Variants in CYP27B1 observed in about 807,000 individuals in gnomAD.
The protein encoded by CYP27B1 is 25-hydroxyvitamin D-1 alpha hydroxylase, mitochondrial.
A neutral mutation model predicts 54.8 loss-of-function variants in CYP27B1; 46 were observed. The ratio of observed to expected loss-of-function variants is 0.84; its 90% CI spans 0.66 to 1.07. The LOEUF is 1.07. Among genes scored for constraint, CYP27B1 ranks in the 50% least tolerant of loss-of-function variants. CYP27B1 has a pLI of 0.00. For synonymous variants in CYP27B1, 292 were observed against 297.3 expected, an observed-to-expected ratio of 0.98 and a Z score of 0.18; for missense variants, 674 against 692.2, an observed-to-expected ratio of 0.97 and a Z score of 0.30.
At chr12:57,766,729 T>A in intron 1 of CYP27B1, 118 bp downstream of exon 1, 1 of 1,143,038 alleles carries the variant, frequency 8.7e-7, no homozygotes. Context: ...TTTCCTTATT[T>A]CATGGGCATC....
Position 57,765,528 on chromosome 12 carries a change from G to C in CYP27B1, c.387-29C>G, listed in dbSNP as rs755791839. The C allele has an allele frequency of 2.5e-6, 4 of 1,586,774 alleles. No homozygotes were observed. Among genetic ancestry groups the C allele is most frequent in the Non-Finnish European group, 2.6e-6 (3 of 1,166,080 alleles). Reference sequence around the variant, plus strand: ...CAGGGTTGAGGAGAGAGTGCGCATCGGGAAGGTGGGGACGGCTCGACGGGA... The same window carrying C: ...CAGGGTTGAGGAGAGAGTGCGCATCCGGAAGGTGGGGACGGCTCGACGGGA... On this transcript the variant is annotated intron_variant, in intron 2 of 8. Coordinates refer to ENST00000228606, the MANE Select transcript of CYP27B1 (RefSeq NM_000785.4). This position sits in a 1 kb window ranked among gnomAD's most constrained non-coding sequence, Gnocchi z 5.8.
chr12:57,764,790 TC>T lies in CYP27B1; in HGVS notation c.926del (p.Gly309GlufsTer3), dbSNP rs1422821801. The T allele has an allele frequency of 1.9e-6, 3 of 1,614,094 alleles. No individual in the cohort carries two copies. The highest frequency in any genetic ancestry group is 8.5e-7 in the Non-Finnish European group (1 of 1,180,006). ...REELPAQSIL[G>X]NVTELLLAGV... ...CCGCCAATAGCAACTCTGTCACATTTCCCAGGATGGACTGGGCAGGCAACTC... is the reference window on the plus strand; with the variant it reads ...CCGCCAATAGCAACTCTGTCACATTTCCAGGATGGACTGGGCAGGCAACTC... On this transcript the variant is annotated frameshift_variant, in exon 5 of 9. Coordinates refer to ENST00000228606, the MANE Select transcript of CYP27B1 (RefSeq NM_000785.4). LOFTEE classifies it high-confidence loss of function.
chr12:57,763,236 A>C lies in CYP27B1; in HGVS notation c.1433T>G (p.Val478Gly). The C allele has an allele frequency of 6.2e-7, 1 of 1,614,036 alleles. No homozygotes were observed. Among genetic ancestry groups the C allele is most frequent in the Non-Finnish European group, 8.5e-7 (1 of 1,179,912 alleles). The change falls in exon 9 of 9, where the codon GTG becomes GGG. Residue 478 changes from valine to glycine, a missense_variant. By Grantham distance (109) the Val-to-Gly change is moderately radical (BLOSUM62 -3). Coordinates refer to ENST00000228606, the MANE Select transcript of CYP27B1 (RefSeq NM_000785.4). ...ALAQILTHFE[V>G]QPEPGAAPVR... is the part of the protein sequence containing the mutation. Reference sequence around the variant, plus strand: ...TGGGGCCGCACCTGGCTCAGGCTGCACCTCAAAATGTGTTAGGATCTGGAA... The same window carrying C: ...TGGGGCCGCACCTGGCTCAGGCTGCCCCTCAAAATGTGTTAGGATCTGGAA...
At position 57,766,193 on chromosome 12, in the gene CYP27B1, T is replaced by C. The variant is rs548176807; in HGVS notation, c.200A>G (p.Gln67Arg). ...GLSRLHELQV[Q>R]GAAHFGPVWL... ...CACCGGCCCGAAGTGCGCGGCGCCC[T>C]GCACCTGGGGGAGCGGACACAGCGG... The change falls in exon 2 of 9, where the codon CAG (glutamine) becomes CGG (arginine). Residue 67 changes from glutamine to arginine, a missense_variant. By Grantham distance (43) the Gln-to-Arg change is conservative. Transcript: ENST00000228606. 1.8e-5 allele frequency: 28 copies of C among 1,536,312 alleles called. No homozygotes were observed. In the African/African-American group the frequency reaches 3.7e-4, roughly 20 times the overall value.
At position 57,765,451 on chromosome 12, in the gene CYP27B1, G is replaced by C; in HGVS notation, c.435C>G (p.Leu145=). ...AGCGGGCGGCCGCTTGAGGCCGGAG[G>C]AGGAGCGGGGCCAGGAGACTGCGGA... The part of the protein sequence containing the change: ...QRLRSLLAPL[L]LRPQAAARYA... Residue 145 remains leucine (L), a synonymous_variant, in exon 3 of 9, where the codon CTC becomes CTG. Transcript: ENST00000228606. The surrounding 1 kb of genome is among the most constrained non-coding windows in gnomAD (Gnocchi z 5.8). 6.2e-7 allele frequency: 1 copy of C among 1,612,974 alleles called. No individual in the cohort carries two copies. Among genetic ancestry groups the C allele is most frequent in the Non-Finnish European group, 8.5e-7 (1 of 1,179,612 alleles).
rs367743385 is a variant in CYP27B1, at chr12:57,765,131, C to T, written c.670G>A (p.Ala224Thr). 4 of 1,613,762 alleles carry T rather than the reference C, an allele frequency of 2.5e-6. No individual in the cohort carries two copies. The highest frequency in any genetic ancestry group is 1.3e-5 in the African/African-American group (1 of 74,938). The part of the protein sequence containing the change: ...VPPDTETFIR[A>T]VGSVFVSTLL... ...GTGGACACAAACACCGAGCCCACAGCGCGGATGAAGGTCTCCGTGTCGGGT... is the reference window on the plus strand; with the variant it reads ...GTGGACACAAACACCGAGCCCACAGTGCGGATGAAGGTCTCCGTGTCGGGT... Residue 224 changes from alanine (A) to threonine (T), a missense_variant, in exon 4 of 9, where the codon GCT becomes ACT. Transcript: ENST00000228606. The surrounding 1 kb of genome is among the most constrained non-coding windows in gnomAD (Gnocchi z 5.8).
At chr12:57,766,261 C>A in intron 1 of CYP27B1, 64 bp from the exon 2 acceptor site, 1 of 1,470,296 alleles carries the variant, frequency 6.8e-7, no homozygotes, top group Non-Finnish European at 9.0e-7. Flanking sequence ...TGACCTGTGC[C>A]CACGCCAAGG....
rs1424555516 is a variant in CYP27B1, at chr12:57,764,954, C to T, written c.791-28G>A. 4 of 1,614,110 alleles carry T rather than the reference C, an allele frequency of 2.5e-6. No individual in the cohort carries two copies. The Admixed American group carries it at 5.0e-5, about 20-fold the overall frequency. Reference sequence around the variant, plus strand: ...GCGTGGGTAGAAGGCACGTGAATACCTCGCTACCCCTGGACAGCTTTACAT... The same window carrying T: ...GCGTGGGTAGAAGGCACGTGAATACTTCGCTACCCCTGGACAGCTTTACAT... On this transcript the variant is annotated intron_variant, in intron 4 of 8. Transcript: ENST00000228606.
Position 57,765,549 on chromosome 12 carries a change from C to G in CYP27B1, c.387-50G>C. 1 of 1,554,188 alleles carries G rather than the reference C, an allele frequency of 6.4e-7. No homozygotes were observed. The highest frequency in any genetic ancestry group is 2.3e-5 in the East Asian group (1 of 43,464). ...CATCGGGAAGGTGGGGACGGCTCGA[C>G]GGGACTGGCTGCAGTGAAGGAGCGC... is the stretch of plus-strand genomic sequence containing the variant. On this transcript the variant is annotated intron_variant, in intron 2 of 8. Transcript: ENST00000228606. The surrounding 1 kb of genome is among the most constrained non-coding windows in gnomAD (Gnocchi z 5.8).
rs1955357787 is a variant in CYP27B1 at position 57,766,053 on chromosome 12, T to C, written c.340A>G (p.Thr114Ala). Residue 114 changes from threonine to alanine, a missense_variant, in exon 2 of 9, where the codon ACG becomes GCG. Transcript: ENST00000228606. ...CGCTGGCGGCAGCGGCGGTGCTCCG[T>C]CCAGGGCGAGAAGCTGCAGCGCTCG... ...RPERCSFSPW[T>A]EHRRCRQRAC... 1.9e-6 allele frequency: 3 copies of C among 1,563,794 alleles called. No homozygotes were observed. The highest frequency in any genetic ancestry group is 2.3e-5 in the East Asian group (1 of 42,984).
At chr12:57,764,296 TATCTCCCTGCTTCC>T (rs1257668498) in intron 6 of CYP27B1, 68 bp downstream of exon 6, 2 of 1,589,996 alleles carry the variant, frequency 1.3e-6, no homozygotes, top group Non-Finnish European at 1.7e-6. Context: ...TTTTCTCTGC[TATCTCCCTGCTTCC>T]ATCCACTAGT....
chr12:57,765,681 C>T lies in CYP27B1; in HGVS notation c.387-182G>A. The T allele has an allele frequency of 1.1e-6, 1 of 880,046 alleles. No individual in the cohort carries two copies. Among genetic ancestry groups the T allele is most frequent in the East Asian group, 2.6e-5 (1 of 37,778 alleles). The allele number at this position is 880,046 out of a possible 1,614,324, so 54.5% of individuals were successfully genotyped here. On this transcript the variant is annotated intron_variant, in intron 2 of 8. Coordinates refer to ENST00000228606, the MANE Select transcript of CYP27B1 (RefSeq NM_000785.4). The surrounding 1 kb of genome is among the most constrained non-coding windows in gnomAD (Gnocchi z 5.8). ...AGCCCCCTTCCTCTTTACTCATTTC[C>T]TGCCCTCAGGGGCCGGGGTTCCCGG...
At position 57,765,999 on chromosome 12, in the gene CYP27B1, A is replaced by G. The variant is rs1955356991; in HGVS notation, c.386+8T>C. 1 of 1,555,106 alleles carries G rather than the reference A, an allele frequency of 6.4e-7. No individual in the cohort carries two copies. The highest frequency in any genetic ancestry group is 8.7e-7 in the Non-Finnish European group (1 of 1,154,696). ...GCGTCTGGGCTTCTGGGGGCAGAGAAGACTCACGCAGTGAGCAGTCCGCAA... is the reference window on the plus strand; with the variant it reads ...GCGTCTGGGCTTCTGGGGGCAGAGAGGACTCACGCAGTGAGCAGTCCGCAA... On this transcript the variant is annotated splice_region_variant and intron_variant, in intron 2 of 8. Coordinates refer to ENST00000228606, the MANE Select transcript of CYP27B1 (RefSeq NM_000785.4). The surrounding 1 kb of genome is among the most constrained non-coding windows in gnomAD (Gnocchi z 5.8).
chr12:57,763,116 G>T lies in CYP27B1; in HGVS notation c.*26C>A. ...TTATCCCTATGATGAATGAAAGGGT[G>T]ATGATGACAGTCTCTTTCCATGGGA... On this transcript the variant is annotated 3_prime_UTR_variant, in exon 9 of 9. Coordinates refer to ENST00000228606, the MANE Select transcript of CYP27B1 (RefSeq NM_000785.4). 2.0e-6 allele frequency: 3 copies of T among 1,484,478 alleles called. No individual in the cohort carries two copies. The highest frequency in any genetic ancestry group is 2.8e-6 in the Non-Finnish European group (3 of 1,062,410). The allele number at this position is 1,484,478 out of a possible 1,614,324, so 92.0% of individuals were successfully genotyped here.
intron 8 of CYP27B1, 58 bp from the exon 9 acceptor site, chr12:57,763,313 T>A (rs1177641201): frequency 7.7e-7 from 1 of 1,292,158 alleles, no homozygotes; most frequent in Non-Finnish European, 1.1e-6. Flanking sequence ...GGGGGATTCA[T>A]TGGTAATCCA....
At chr12:57,764,004 T>C (rs933794130) in intron 7 of CYP27B1, 94 bp downstream of exon 7, 1 of 1,179,352 alleles carries the variant, frequency 8.5e-7, no homozygotes, top group Non-Finnish European at 1.3e-6. Flanking sequence ...AAGGGGAGTG[T>C]TTGAAGGGCT....
In CYP27B1 at chr12:57,766,849, G is replaced by A; in HGVS notation, c.193C>T (p.Gln65Ter). The A allele has an allele frequency of 6.2e-7, 1 of 1,614,204 alleles. No homozygotes were observed. The highest frequency in any genetic ancestry group is 8.5e-7 in the Non-Finnish European group (1 of 1,180,028). Reference sequence around the variant, plus strand: ...TCGGGAAAGGCGTCCCTTCCTACCTGCAGCTCGTGTAGCCTCGACAGCCCC... The same window carrying A: ...TCGGGAAAGGCGTCCCTTCCTACCTACAGCTCGTGTAGCCTCGACAGCCCC... The part of the protein sequence containing the change: ...KGGLSRLHEL[Q>*]VQGAAHFGPV... The change falls in exon 1 of 9, where the codon CAG (glutamine) becomes TAG (stop). Residue 65 changes from glutamine to a stop codon, truncating the protein, a stop_gained and splice_region_variant. Coordinates refer to ENST00000228606, the MANE Select transcript of CYP27B1 (RefSeq NM_000785.4). LOFTEE classifies it high-confidence loss of function.
At position 57,765,387 on chromosome 12, in the gene CYP27B1, G is replaced by A; in HGVS notation, c.499C>T (p.Arg167Trp). 3 of 1,613,090 alleles carry A rather than the reference G, an allele frequency of 1.9e-6. No homozygotes were observed. Among genetic ancestry groups the A allele is most frequent in the Non-Finnish European group, 2.5e-6 (3 of 1,179,622 alleles). Residue 167 changes from arginine (R) to tryptophan (W), a missense_variant, in exon 3 of 9, where the codon CGG becomes TGG. Transcript: ENST00000228606. This position sits in a 1 kb window ranked among gnomAD's most constrained non-coding sequence, Gnocchi z 5.8. ...CGTCCCCGCTGGCGCCTCAGACGCCGCACAAGGTCGCAGACTACGTTGTTC... is the reference window on the plus strand; with the variant it reads ...CGTCCCCGCTGGCGCCTCAGACGCCACACAAGGTCGCAGACTACGTTGTTC... ...TLNNVVCDLVRRLRRQRGRGT... is the reference protein window; with the variant it reads ...TLNNVVCDLVWRLRRQRGRGT...
chr12:57,764,691 G>A (rs756926294), intron 5 of CYP27B1, 63 bp downstream of exon 5: 3 of 1,608,528 alleles, frequency 1.9e-6, no homozygotes, highest in Non-Finnish European at 1.7e-6. Flanking sequence ...ACAGAAAAAT[G>A]GAGCCGGAGT....
Sources: gnomAD v4.1 joint callset for allele counts on GRCh38, gnomAD v4.1.1 for gene constraint, Gnocchi (gnomAD v3.1) non-coding constraint, MANE v1.5 for transcripts, NCBI Gene and HGNC (gene_info 2026-07-23, HGNC 2026-07-21) for gene names.